The following CACNA1C variants were observed in gnomAD, a reference collection of about 807,000 sequenced individuals.
CACNA1C encodes the protein calcium voltage-gated channel subunit alpha1 C.
Under a neutral mutation model 229.0 loss-of-function variants are expected in CACNA1C, and 30 were observed. That is an observed-to-expected ratio of 0.13 (90% CI 0.10 to 0.18). The LOEUF is 0.18. Ranked by LOEUF, CACNA1C falls within the 10% of genes least tolerant of loss-of-function variation. The pLI is 1.00. For synonymous variants in CACNA1C, 1,114 were observed against 1,132.5 expected (o/e 0.98, Z 0.33); for missense variants, 1,658 against 2,845.0 (o/e 0.58, Z 9.49).
At chr12:2,547,565 G>T (rs2099883846) in intron 9 of CACNA1C, 2 of 776,682 alleles carry the variant, frequency 2.6e-6, no homozygotes, top group Non-Finnish European at 2.4e-6. Context: ...ATGCGTGTGG[G>T]TGCATACCAG....
intron 1 of CACNA1C, among the ~76,000 whole-genome samples, chr12:2,013,659 C>G (rs543106014): frequency 1.3e-5 from 2 of 152,244 alleles, no homozygotes; most frequent in Admixed American, 6.5e-5. Flanking sequence ...TTGTGACTGT[C>G]TTTGGAGGTA....
chr12:2,379,071 T>A (rs2154544627), intron 3 of CACNA1C, among the ~76,000 whole-genome samples: 1 of 152,358 alleles, frequency 6.6e-6, no homozygotes, highest in Admixed American at 6.5e-5. Flanking sequence ...AATATTTCAG[T>A]TCCTTTTTGG....
At chr12:2,071,298 G>A (rs2061259091) in intron 1 of CACNA1C, among the ~76,000 whole-genome samples, 1 of 150,798 alleles carries the variant, frequency 6.6e-6, no homozygotes, top group African/African-American at 2.4e-5. Context: ...GCTCACTGCA[G>A]CCTTGACCTC....
intron 3 of CACNA1C, among the ~76,000 whole-genome samples, chr12:2,314,590 G>T (rs1233845512): frequency 1.3e-5 from 2 of 152,156 alleles, no homozygotes; most frequent in African/African-American, 4.8e-5. Context: ...ATAAACTCAT[G>T]AAGTCTATAT....
Position 2,493,447 on chromosome 12 carries a change from A to G in CACNA1C, c.1113+61A>G. The G allele has an allele frequency of 1.6e-6, 2 of 1,278,944 alleles. No individual in the cohort carries two copies. Among genetic ancestry groups the G allele is most frequent in the Non-Finnish European group, 2.3e-6 (2 of 881,222 alleles). 79.2% of individuals were successfully genotyped at this position (1,278,944 alleles called of 1,614,324 possible). A position where few individuals can be genotyped will look rare whatever the true frequency, so the allele number is the denominator to read the frequency against. On this transcript the variant is annotated intron_variant, in intron 7 of 46. Transcript: ENST00000399655. The surrounding 1 kb of genome is among the most constrained non-coding windows in gnomAD (Gnocchi z 4.6). ...AACAGCGGCCGTGAACCCTTCCCTG[A>G]CACCTCCCTTTCTCCTCCTCCCCAT...
intron 3 of CACNA1C, among the ~76,000 whole-genome samples, chr12:2,149,066 G>A (rs942248999): frequency 3.3e-5 from 5 of 152,116 alleles, no homozygotes; most frequent in African/African-American, 1.2e-4. Flanking sequence ...TGTGGTCTTG[G>A]GGGTCACCTA....
intron 3 of CACNA1C, among the ~76,000 whole-genome samples, chr12:2,216,095 C>A (rs953901570): frequency 1.3e-5 from 2 of 152,164 alleles, no homozygotes; most frequent in Non-Finnish European, 2.9e-5. Context: ...CTGGGCAAAA[C>A]CACCAGAGGT....
intron 5 of CACNA1C, among the ~76,000 whole-genome samples, chr12:2,460,430 G>A (rs949615019): frequency 2.0e-5 from 3 of 152,224 alleles, no homozygotes; most frequent in Non-Finnish European, 4.4e-5. Flanking sequence ...TGTAGCTACA[G>A]TAATTGCTCT....
chr12:2,578,786 C>T (rs994399002), intron 13 of CACNA1C, among the ~76,000 whole-genome samples: 9 of 152,124 alleles, frequency 5.9e-5, no homozygotes, highest in Non-Finnish European at 1.0e-4. Flanking sequence ...CTTTCCCAGA[C>T]GCCCCAGGGG....
At chr12:2,357,302 G>C (rs2097400307) in intron 3 of CACNA1C, among the ~76,000 whole-genome samples, 1 of 152,214 alleles carries the variant, frequency 6.6e-6, no homozygotes. Context: ...GATGAAAGTA[G>C]GTACTAGAGA....
At chr12:1,982,726 G>C (rs1314024578) in intron 1 of CACNA1C, among the ~76,000 whole-genome samples, 1 of 152,040 alleles carries the variant, frequency 6.6e-6, no homozygotes, top group Non-Finnish European at 1.5e-5. Flanking sequence ...ATATTCACAA[G>C]AGACATTGAT....
At position 2,686,266 on chromosome 12, in the gene CACNA1C, T is replaced by G; in HGVS notation, c.5781T>G (p.His1927Gln). The change falls in exon 45 of 47, where the codon CAT becomes CAG. Residue 1927 changes from histidine to glutamine, a missense_variant. His to Gln is a conservative substitution (Grantham distance 24, BLOSUM62 0). This residue lies in a region of CACNA1C where 590 missense variants were observed against 700.8 expected (regional missense o/e 0.84). Transcript: ENST00000399655. Reference sequence around the variant, plus strand: ...TCCTGCCCTTGCATCTGGTTCATCATCAGGTAGCTCACACTTTTGGACAGG... The same window carrying G: ...TCCTGCCCTTGCATCTGGTTCATCAGCAGGTAGCTCACACTTTTGGACAGG... ...KTVLPLHLVH[H>Q]QALAVAGLSP... 6.2e-7 allele frequency: 1 copy of G among 1,606,174 alleles called. No homozygotes were observed. Among genetic ancestry groups the G allele is most frequent in the Non-Finnish European group, 8.5e-7 (1 of 1,174,178 alleles).
intron 21 of CACNA1C, among the ~76,000 whole-genome samples, chr12:2,600,655 C>A (rs747850773): frequency 6.6e-6 from 1 of 152,254 alleles, no homozygotes; most frequent in Non-Finnish European, 1.5e-5. Context: ...CTGCAGTGCG[C>A]AGCTTTACAC....
At chr12:2,655,117 C>T (rs1233851090) in intron 33 of CACNA1C, 30 bp from the exon 34 acceptor site, 1 of 1,370,686 alleles carries the variant, frequency 7.3e-7, no homozygotes, top group Non-Finnish European at 1.0e-6. Flanking sequence ...GTCCACAAAT[C>T]ACTGAACACC....
chr12:2,545,246 A>T (rs1480898374), intron 9 of CACNA1C, among the ~76,000 whole-genome samples: 1 of 122,336 alleles, frequency 8.2e-6, no homozygotes, highest in Non-Finnish European at 1.7e-5. Context: ...CTCATGAGGC[A>T]CCCACTTATC....
intron 1 of CACNA1C, among the ~76,000 whole-genome samples, chr12:2,110,535 C>T (rs188683588): frequency 6.6e-6 from 1 of 152,320 alleles, no homozygotes. Flanking sequence ...GAAAATTGAT[C>T]TCTTTGCATT....
chr12:2,681,956 G>A (rs1279152894), intron 42 of CACNA1C: 1 of 1,593,768 alleles, frequency 6.3e-7, no homozygotes, highest in Non-Finnish European at 8.6e-7. Context: ...GCAGGGAAAG[G>A]CACGTTCCGA....
At chr12:2,233,556 A>C (rs374246120) in intron 3 of CACNA1C, among the ~76,000 whole-genome samples, 112 of 152,316 alleles carry the variant, frequency 7.4e-4, no homozygotes, top group African/African-American at 2.6e-3. Flanking sequence ...GGGAATTTTA[A>C]ATTTTGATTT....
chr12:2,478,583 T>C (rs571379771), intron 5 of CACNA1C, among the ~76,000 whole-genome samples: 4 of 152,372 alleles, frequency 2.6e-5, no homozygotes, highest in East Asian at 3.9e-4. Flanking sequence ...GTCACTGATA[T>C]GGCCTTTACT....
Sources: gnomAD v4.1 joint callset for allele counts (sites outside exome capture counted in the v4.1 genomes callset) on GRCh38, gnomAD v4.1.1 for gene constraint, gnomAD v4.1.1 regional missense constraint, Gnocchi (gnomAD v3.1) non-coding constraint, MANE v1.5 for transcripts, NCBI Gene and HGNC (gene_info 2026-07-23, HGNC 2026-07-21) for gene names.